Variants in GPC6 observed in about 807,000 individuals in gnomAD.
The protein encoded by GPC6 is glypican 6, also known as glypican-6.
In GPC6, 14 loss-of-function variants were observed where a neutral mutation model predicts 55.2. The observed-to-expected ratio is 0.25, with a 90% CI of 0.17 to 0.40. The LOEUF (loss-of-function observed/expected upper bound fraction) is 0.40. Ranked by LOEUF, GPC6 falls within the 10% of genes least tolerant of loss-of-function variation. GPC6 has a pLI of 1.00. For missense variants in GPC6, 641 were observed against 708.5 expected (o/e 0.90, Z 1.08); for synonymous variants, 278 against 259.6 (o/e 1.07, Z -0.68).
At chr13:93,336,484 C>T (rs1331913693) in intron 1 of GPC6, among the ~76,000 whole-genome samples, 1 of 152,114 alleles carries the variant, frequency 6.6e-6, no homozygotes, top group Non-Finnish European at 1.5e-5. Flanking sequence ...AAAATGATGA[C>T]CTGTTAACTC....
At chr13:93,273,321 C>T (rs1877606981) in intron 1 of GPC6, among the ~76,000 whole-genome samples, 2 of 152,076 alleles carry the variant, frequency 1.3e-5, no homozygotes, top group Non-Finnish European at 2.9e-5. Flanking sequence ...AATAGACATA[C>T]AATCCTTTGC....
intron 2 of GPC6, among the ~76,000 whole-genome samples, chr13:93,736,996 G>A (rs780143816): frequency 2.6e-5 from 4 of 152,166 alleles, no homozygotes; most frequent in Non-Finnish European, 5.9e-5. Context: ...GGAAATGAAC[G>A]AGATTGACCT....
chr13:93,480,170 A>C (rs1216741805), intron 1 of GPC6, among the ~76,000 whole-genome samples: 1 of 152,198 alleles, frequency 6.6e-6, no homozygotes, highest in African/African-American at 2.4e-5. Context: ...TTAATGCTTA[A>C]ATGAAAACTA....
intron 4 of GPC6, among the ~76,000 whole-genome samples, chr13:94,078,635 T>G (rs1884999880): frequency 1.3e-5 from 2 of 151,858 alleles, no homozygotes; most frequent in South Asian, 4.1e-4. Context: ...ACAAATGGGA[T>G]GTCCTAGAAA....
At chr13:93,687,813 AGAG>A (rs1048534562) in intron 2 of GPC6, among the ~76,000 whole-genome samples, 3 of 151,618 alleles carry the variant, frequency 2.0e-5, no homozygotes, top group African/African-American at 7.3e-5. Flanking sequence ...CTGGGCTCCT[AGAG>A]GCCCACTTAA....
chr13:93,272,519 T>A (rs943544575), intron 1 of GPC6, among the ~76,000 whole-genome samples: 52 of 144,746 alleles, frequency 3.6e-4, no homozygotes, highest in African/African-American at 1.2e-3. Context: ...TATATATATA[T>A]AACTTAGAAA....
intron 4 of GPC6, among the ~76,000 whole-genome samples, chr13:94,252,997 A>G (rs945038453): frequency 6.6e-6 from 1 of 151,942 alleles, no homozygotes; most frequent in African/African-American, 2.4e-5. Flanking sequence ...GAAAAGCTTC[A>G]GTAAAGTTTA....
At chr13:94,302,368 T>A (rs559760631) in intron 5 of GPC6, among the ~76,000 whole-genome samples, 8 of 152,296 alleles carry the variant, frequency 5.3e-5, no homozygotes, top group African/African-American at 1.4e-4. Context: ...GTTGTTTTTT[T>A]AATAAGGGCA....
chr13:93,901,698 T>A (rs1297983038), intron 3 of GPC6, among the ~76,000 whole-genome samples: 1 of 151,924 alleles, frequency 6.6e-6, no homozygotes, highest in Non-Finnish European at 1.5e-5. Context: ...GTCAGCAATT[T>A]GAGACCAGCC....
chr13:93,314,712 GGTGTGTGTGTGTGT>G (rs370613459), intron 1 of GPC6, among the ~76,000 whole-genome samples: 56 of 147,672 alleles, frequency 3.8e-4, no homozygotes, highest in African/African-American at 8.2e-4. Flanking sequence ...AACAAGGAGG[GGTGTGTGTGTGTGT>G]GTGTGTGTGT....
chr13:93,742,420 G>A (rs538747710), intron 2 of GPC6, among the ~76,000 whole-genome samples: 3 of 152,262 alleles, frequency 2.0e-5, no homozygotes, highest in Admixed American at 6.5e-5. Context: ...CATGATCTAT[G>A]CACTTTTGTT....
rs552556914 is a variant in GPC6, at chr13:94,364,308, G to A, written c.1153-18106G>A. Among the ~76,000 whole-genome samples, 251 of 152,292 alleles carry A rather than the reference G, an allele frequency of 1.6e-3. 1 individual carries two copies. Among genetic ancestry groups the A allele is most frequent in the African/African-American group, 5.7e-3 (235 of 41,546 alleles). ...AGTCAAGCAAAATTATGTCACCTGGGTCTAATCATAAGCAGAGTAAATCGT... is the reference window on the plus strand; with the variant it reads ...AGTCAAGCAAAATTATGTCACCTGGATCTAATCATAAGCAGAGTAAATCGT... On this transcript the variant is annotated intron_variant, in intron 6 of 8. Transcript: ENST00000377047.
intron 1 of GPC6, among the ~76,000 whole-genome samples, chr13:93,461,587 T>C (rs1566369668): frequency 6.6e-6 from 1 of 151,244 alleles, no homozygotes; most frequent in Non-Finnish European, 1.5e-5. Flanking sequence ...TATAGGGAAC[T>C]TTCTAAATCA....
chr13:94,398,685 A>G, intron 8 of GPC6, 44 bp downstream of exon 8: 2 of 1,561,734 alleles, frequency 1.3e-6, no homozygotes, highest in Non-Finnish European at 1.8e-6. Context: ...AAAGTAAAAA[A>G]TGGTTTTAGA....
At position 94,067,022 on chromosome 13, in the gene GPC6, T is replaced by A. The variant is rs79968965; in HGVS notation, c.877+39128T>A. Among the ~76,000 whole-genome samples the A allele has an allele frequency of 3.3e-3, 509 of 152,308 alleles. 1 individual carries two copies. The highest frequency in any genetic ancestry group is 0.011 in the African/African-American group (476 of 41,560). ...ATTACATTTTTTAACTTTCAAGGTA[T>A]TTTTGAACTGTTATGTAAATTAAGG... is the stretch of plus-strand genomic sequence containing the variant. On this transcript the variant is annotated intron_variant, in intron 4 of 8. Transcript: ENST00000377047.
At chr13:93,512,745 T>C (rs1881030709) in intron 1 of GPC6, among the ~76,000 whole-genome samples, 2 of 152,142 alleles carry the variant, frequency 1.3e-5, no homozygotes, top group African/African-American at 4.8e-5. Context: ...ATGTGGTAAC[T>C]GCAAGTGGGT....
chr13:94,352,661 C>T (rs188448940), intron 6 of GPC6, among the ~76,000 whole-genome samples: 1 of 152,306 alleles, frequency 6.6e-6, no homozygotes, highest in Admixed American at 6.5e-5. Flanking sequence ...TTACTCACCT[C>T]AGGTTCTGCC....
intron 4 of GPC6, among the ~76,000 whole-genome samples, chr13:94,034,962 C>T (rs907655589): frequency 5.3e-5 from 8 of 150,556 alleles, no homozygotes; most frequent in Admixed American, 1.3e-4. Flanking sequence ...TACTAAAGTA[C>T]GACTTATGCC....
intron 1 of GPC6, among the ~76,000 whole-genome samples, chr13:93,438,412 C>T (rs1019368667): frequency 1.3e-5 from 2 of 152,140 alleles, no homozygotes; most frequent in African/African-American, 2.4e-5. Flanking sequence ...CCGTTAAGAA[C>T]ATTAATGATT....
Sources: allele counts gnomAD v4.1 joint callset (sites outside exome capture counted in the v4.1 genomes callset), GRCh38; gene constraint gnomAD v4.1.1; transcripts MANE v1.5; gene names NCBI Gene and HGNC (gene_info 2026-07-23, HGNC 2026-07-21).